IQSEC1: variants seen among roughly 807,000 people sequenced by gnomAD.
IQSEC1 encodes IQ motif and Sec7 domain ArfGEF 1.
In IQSEC1, 31 loss-of-function variants were observed where a neutral mutation model predicts 91.0. That is an observed-to-expected ratio of 0.34 (90% CI 0.26 to 0.46). The LOEUF is 0.46. Ranked by LOEUF, IQSEC1 falls within the 20% of genes least tolerant of loss-of-function variation. IQSEC1 has a pLI of 1.00. For missense variants in IQSEC1, 1,388 were observed against 1,575.6 expected (o/e 0.88, Z 2.02); for synonymous variants, 699 against 662.6 (o/e 1.05, Z -0.84).
chr3:13,276,406 A>T (rs896943774), intron 1 of IQSEC1, among the ~76,000 whole-genome samples: 3 of 152,128 alleles, frequency 2.0e-5, no homozygotes, highest in Non-Finnish European at 4.4e-5. Flanking sequence ...AGCATTCTTG[A>T]TGCCCTGGCT....
chr3:12,941,268 C>T (rs1053707021), intron 2 of IQSEC1, among the ~76,000 whole-genome samples: 5 of 152,200 alleles, frequency 3.3e-5, no homozygotes, highest in African/African-American at 9.6e-5. Flanking sequence ...CTGGGCCATG[C>T]GGGTCATGGA....
intron 1 of IQSEC1, among the ~76,000 whole-genome samples, chr3:12,990,549 G>A (rs1412855154): frequency 6.6e-6 from 1 of 152,200 alleles, no homozygotes; most frequent in Non-Finnish European, 1.5e-5. Flanking sequence ...TGTGTACAGA[G>A]GTCATTAGCT....
At chr3:13,121,144 C>T (rs1420063575) in intron 2 of IQSEC1, among the ~76,000 whole-genome samples, 1 of 152,238 alleles carries the variant, frequency 6.6e-6, no homozygotes, top group African/African-American at 2.4e-5. Context: ...ACACGCTCCA[C>T]GAAGCTGCCT....
intron 1 of IQSEC1, among the ~76,000 whole-genome samples, chr3:13,201,215 A>T (rs1162186811): frequency 6.6e-6 from 1 of 152,236 alleles, no homozygotes; most frequent in Non-Finnish European, 1.5e-5. Flanking sequence ...ACCGGAGCTC[A>T]GACTCCAAGC....
intron 1 of IQSEC1, among the ~76,000 whole-genome samples, chr3:13,265,566 G>A (rs1695474334): frequency 6.6e-6 from 1 of 152,088 alleles, no homozygotes; most frequent in South Asian, 2.1e-4. Context: ...GTCTGGCAGT[G>A]GGCAGTCCAG....
At chr3:12,938,641 C>T (rs1366451716) in intron 2 of IQSEC1, among the ~76,000 whole-genome samples, 1 of 152,128 alleles carries the variant, frequency 6.6e-6, no homozygotes, top group African/African-American at 2.4e-5. Flanking sequence ...GCCCCTGGGG[C>T]CCATAAGAGG....
Position 12,899,211 on chromosome 3 carries a change from G to T in IQSEC1, c.*1772C>A. On this transcript the variant is annotated 3_prime_UTR_variant, in exon 14 of 14. Transcript: ENST00000613206. ...CGGCAAAACCCTGGCCAGCCAGCCA[G>T]CCAAGGTGACACACAGCCAGAGGGG... 5 of 662,294 alleles carry T rather than the reference G, an allele frequency of 7.5e-6. No homozygotes were observed. Among genetic ancestry groups the T allele is most frequent in the South Asian group, 3.9e-5 (2 of 51,068 alleles). 41.0% of individuals were successfully genotyped at this position (662,294 alleles called of 1,614,324 possible).
At chr3:13,232,407 C>G (rs1002788183) in intron 1 of IQSEC1, among the ~76,000 whole-genome samples, 1 of 152,234 alleles carries the variant, frequency 6.6e-6, no homozygotes, top group African/African-American at 2.4e-5. Flanking sequence ...TGATGACCTC[C>G]CTCTCTGGCA....
At chr3:13,189,272 C>T (rs1693981745) in intron 1 of IQSEC1, among the ~76,000 whole-genome samples, 2 of 152,218 alleles carry the variant, frequency 1.3e-5, no homozygotes, top group Admixed American at 1.3e-4. Context: ...CTTCTGCAGC[C>T]CTACAGCATA....
intron 2 of IQSEC1, among the ~76,000 whole-genome samples, chr3:13,140,132 C>T (rs1706776463): frequency 6.6e-6 from 1 of 152,162 alleles, no homozygotes; most frequent in Admixed American, 6.5e-5. Flanking sequence ...CCTTCCAACC[C>T]GCTCAGACAC....
chr3:13,150,803 G>A (rs1408056271), intron 2 of IQSEC1, among the ~76,000 whole-genome samples: 1 of 152,230 alleles, frequency 6.6e-6, no homozygotes, highest in Admixed American at 6.5e-5. Flanking sequence ...GTGGGAAAGT[G>A]CCCTCCAAGA....
intron 1 of IQSEC1, among the ~76,000 whole-genome samples, chr3:13,238,675 C>T (rs886962507): frequency 2.0e-5 from 3 of 152,190 alleles, no homozygotes; most frequent in Admixed American, 6.5e-5. Flanking sequence ...GCAACCTGGG[C>T]GCTGGGCCAT....
chr3:13,144,350 C>CTGT (rs2124944281), intron 2 of IQSEC1, among the ~76,000 whole-genome samples: 1 of 152,342 alleles, frequency 6.6e-6, no homozygotes, highest in Non-Finnish European at 1.5e-5. Context: ...CTGGTCACCG[C>CTGT]CACGTGGCTG....
chr3:13,221,074 G>A (rs566765517), intron 1 of IQSEC1, among the ~76,000 whole-genome samples: 19 of 152,354 alleles, frequency 1.2e-4, no homozygotes, highest in South Asian at 8.3e-4. Context: ...GGAGGCCAGG[G>A]CTCATAAGCA....
chr3:13,145,804 CG>C (rs71848559), intron 2 of IQSEC1, among the ~76,000 whole-genome samples: 2,911 of 53,104 alleles, frequency 0.055, 84 homozygotes, highest in African/African-American at 0.15. Context: ...CGCCCGGGGG[CG>C]GGGGGGGGGG....
chr3:13,148,693 G>A (rs1706938316), intron 2 of IQSEC1, among the ~76,000 whole-genome samples: 1 of 152,208 alleles, frequency 6.6e-6, no homozygotes, highest in Non-Finnish European at 1.5e-5. Flanking sequence ...GGGCTCCCTG[G>A]CCCAGGCCCT....
At chr3:13,037,436 T>TA (rs1704077670) in intron 1 of IQSEC1, among the ~76,000 whole-genome samples, 1 of 152,184 alleles carries the variant, frequency 6.6e-6, no homozygotes, top group Non-Finnish European at 1.5e-5. Context: ...GGCATGGCTA[T>TA]ACCATGAAAT....
intron 12 of IQSEC1, among the ~76,000 whole-genome samples, chr3:12,903,943 C>T (rs1694674168): frequency 6.6e-6 from 1 of 152,216 alleles, no homozygotes; most frequent in Admixed American, 6.5e-5. Flanking sequence ...CCCAGACCTG[C>T]TCACCCGACC....
chr3:12,976,535 A>G (rs1017041312), intron 1 of IQSEC1, among the ~76,000 whole-genome samples: 1 of 152,048 alleles, frequency 6.6e-6, no homozygotes, highest in African/African-American at 2.4e-5. Context: ...TGGGAGACAG[A>G]CCTCATACAT....
Sources: gnomAD v4.1 joint callset for allele counts (sites outside exome capture counted in the v4.1 genomes callset) on GRCh38, gnomAD v4.1.1 for gene constraint, MANE v1.5 for transcripts, NCBI Gene and HGNC (gene_info 2026-07-23, HGNC 2026-07-21) for gene names.